SUGCT: variants seen among roughly 807,000 people sequenced by gnomAD.
SUGCT encodes succinyl-CoA:glutarate CoA-transferase.
A neutral mutation model predicts 55.0 loss-of-function variants in SUGCT; 41 were observed. The ratio of observed to expected loss-of-function variants is 0.74; its 90% CI spans 0.58 to 0.97. The LOEUF is 0.97. Among genes scored for constraint, SUGCT ranks in the 50% least tolerant of loss-of-function variants. The pLI is 0.00. For synonymous variants in SUGCT, 187 were observed against 200.4 expected (o/e 0.93, Z 0.56); for missense variants, 568 against 547.8 (o/e 1.04, Z -0.37).
intron 11 of SUGCT, among the ~76,000 whole-genome samples, chr7:40,474,071 C>T (rs985345846): frequency 2.0e-5 from 3 of 152,020 alleles, no homozygotes; most frequent in African/African-American, 4.8e-5. Context: ...TAGCTGGTAA[C>T]ATAAAACAAT....
intron 12 of SUGCT, among the ~76,000 whole-genome samples, chr7:40,630,072 T>C (rs935785592): frequency 6.6e-6 from 1 of 152,240 alleles, no homozygotes; most frequent in African/African-American, 2.4e-5. Context: ...TACTAAGGCA[T>C]GGAACACTCC....
chr7:40,858,659 A>G (rs1449627415), intron 13 of SUGCT, among the ~76,000 whole-genome samples: 1 of 152,124 alleles, frequency 6.6e-6, no homozygotes, highest in African/African-American at 2.4e-5. Flanking sequence ...CCATCACATT[A>G]TTGTCATTCT....
intron 1 of SUGCT, among the ~76,000 whole-genome samples, chr7:40,143,621 G>A (rs1300872586): frequency 6.6e-6 from 1 of 152,212 alleles, no homozygotes; most frequent in African/African-American, 2.4e-5. Flanking sequence ...TTCCAACCAG[G>A]CATTTGCATC....
intron 12 of SUGCT, among the ~76,000 whole-genome samples, chr7:40,619,580 C>G (rs1293764261): frequency 6.6e-6 from 1 of 151,994 alleles, no homozygotes; most frequent in African/African-American, 2.4e-5. Flanking sequence ...ATCAGCTTTA[C>G]AATTTTTGTT....
At position 40,392,292 on chromosome 7, in the gene SUGCT, A is replaced by T. The variant is rs568159112; in HGVS notation, c.817-56995A>T. Among the ~76,000 whole-genome samples, 4 of 152,334 alleles carry T rather than the reference A, an allele frequency of 2.6e-5. No individual in the cohort carries two copies. The South Asian group carries it at 8.3e-4, about 32-fold the overall frequency. On this transcript the variant is annotated intron_variant, in intron 9 of 13. Coordinates refer to ENST00000335693, the MANE Select transcript of SUGCT (RefSeq NM_001193313.2). ...AGAACTTAAAGTATAATAATAATAA[A>T]ATAAATACATAAAGAATAGTCATAA... is the stretch of plus-strand genomic sequence containing the variant.
chr7:40,272,097 A>C (rs193218682), intron 7 of SUGCT, among the ~76,000 whole-genome samples: 1,865 of 95,946 alleles, frequency 0.019, 73 homozygotes, highest in East Asian at 0.036. Context: ...CTCTCTCTCT[A>C]TATATATATA....
At chr7:40,245,419 ATATATTT>A (rs1385830606) in intron 7 of SUGCT, among the ~76,000 whole-genome samples, 534 of 24,952 alleles carry the variant, frequency 0.021, 66 homozygotes, top group Non-Finnish European at 0.032. Flanking sequence ...ATATATATAT[ATATATTT>A]TTTTTTTTTT....
intron 8 of SUGCT, among the ~76,000 whole-genome samples, chr7:40,298,764 A>G (rs1584615372): frequency 6.6e-6 from 1 of 151,786 alleles, no homozygotes; most frequent in South Asian, 2.1e-4. Flanking sequence ...CCAGGTTTTC[A>G]AGAGTTCCGT....
chr7:40,716,004 A>G (rs1351346024), intron 12 of SUGCT, among the ~76,000 whole-genome samples: 2 of 152,040 alleles, frequency 1.3e-5, no homozygotes, highest in Admixed American at 6.6e-5. Flanking sequence ...ACATTTTCCT[A>G]TTTCTCTCCT....
intron 9 of SUGCT, among the ~76,000 whole-genome samples, chr7:40,445,136 A>G (rs994529135): frequency 6.6e-6 from 1 of 151,948 alleles, no homozygotes; most frequent in Non-Finnish European, 1.5e-5. Context: ...AAGGCAAGAA[A>G]TAACTAAGAT....
intron 12 of SUGCT, among the ~76,000 whole-genome samples, chr7:40,681,717 C>T (rs1784253781): frequency 1.3e-5 from 2 of 152,110 alleles, no homozygotes; most frequent in Non-Finnish European, 2.9e-5. Flanking sequence ...AAAGGCAGGA[C>T]CTCTTGAAGT....
At chr7:40,557,368 C>T (rs900958623) in intron 12 of SUGCT, among the ~76,000 whole-genome samples, 3 of 152,184 alleles carry the variant, frequency 2.0e-5, no homozygotes, top group East Asian at 1.9e-4. Context: ...GAAATCTTCA[C>T]GACAGTGGAT....
chr7:40,274,959 G>A (rs745634513), intron 8 of SUGCT, among the ~76,000 whole-genome samples: 16 of 152,046 alleles, frequency 1.1e-4, no homozygotes, highest in Non-Finnish European at 2.1e-4. Context: ...GTGCCACCAC[G>A]CCCGGCTAAT....
intron 1 of SUGCT, among the ~76,000 whole-genome samples, chr7:40,146,539 G>GAA (rs1788255964): frequency 6.6e-6 from 1 of 152,238 alleles, no homozygotes; most frequent in Non-Finnish European, 1.5e-5. Flanking sequence ...TTCCTTATGG[G>GAA]AAACAAAGGG....
At chr7:40,786,927 C>A (rs1790043650) in intron 13 of SUGCT, among the ~76,000 whole-genome samples, 1 of 152,142 alleles carries the variant, frequency 6.6e-6, no homozygotes, top group Non-Finnish European at 1.5e-5. Flanking sequence ...ATGAATGTAC[C>A]AGTGCACACA....
chr7:40,525,442 G>A (rs1793746279), intron 12 of SUGCT, among the ~76,000 whole-genome samples: 1 of 152,100 alleles, frequency 6.6e-6, no homozygotes. Context: ...AGAAAACATT[G>A]TGAGGAAAGT....
chr7:40,148,542 G>C (rs991585725), intron 1 of SUGCT, among the ~76,000 whole-genome samples: 3 of 152,176 alleles, frequency 2.0e-5, no homozygotes. Context: ...TACTCAGGCA[G>C]CTGAGGCAGG....
intron 12 of SUGCT, among the ~76,000 whole-genome samples, chr7:40,505,783 G>T (rs536281908): frequency 6.6e-6 from 1 of 151,880 alleles, no homozygotes; most frequent in Admixed American, 6.6e-5. Flanking sequence ...AGAAATAAGA[G>T]CAAGTCTATA....
chr7:40,247,722 T>G (rs1041243491), intron 7 of SUGCT, among the ~76,000 whole-genome samples: 4 of 152,204 alleles, frequency 2.6e-5, no homozygotes, highest in African/African-American at 9.6e-5. Context: ...TATTGGAGTG[T>G]TAGTCTTTTC....
Sources: allele counts gnomAD v4.1 joint callset (sites outside exome capture counted in the v4.1 genomes callset), GRCh38; gene constraint gnomAD v4.1.1; transcripts MANE v1.5; gene names NCBI Gene and HGNC (gene_info 2026-07-23, HGNC 2026-07-21).